Variants in HRH1 observed in about 807,000 individuals in gnomAD.
HRH1 encodes the protein histamine receptor H1, also known as histamine H1 receptor.
A neutral mutation model predicts 10.3 loss-of-function variants in HRH1; 6 were observed. That is an observed-to-expected ratio of 0.58 (90% CI 0.32 to 1.15). The LOEUF (loss-of-function observed/expected upper bound fraction) is 1.15. Among genes scored for constraint, HRH1 ranks in the 50% most tolerant of loss-of-function variants. The pLI is 0.05. For missense variants in HRH1, 514 were observed against 615.3 expected, an observed-to-expected ratio of 0.84 and a Z score of 1.74; for synonymous variants, 242 against 236.7, an observed-to-expected ratio of 1.02 and a Z score of -0.21.
At chr3:11,157,779 T>C (rs1261036573) in intron 1 of HRH1, among the ~76,000 whole-genome samples, 1 of 152,226 alleles carries the variant, frequency 6.6e-6, no homozygotes, top group African/African-American at 2.4e-5. Flanking sequence ...GCCAGCAGAA[T>C]GCATGTTAGA....
intron 1 of HRH1, among the ~76,000 whole-genome samples, chr3:11,250,034 CTTTTTTTTTTTTTTT>C (rs71055856): frequency 6.4e-4 from 39 of 60,766 alleles, no homozygotes; most frequent in Admixed American, 1.7e-3. Context: ...AAGCTTTTCT[CTTTTTTTTTTTTTTT>C]TTTTTTTTTT....
chr3:11,155,543 T>C (rs1398958890), intron 1 of HRH1, among the ~76,000 whole-genome samples: 4 of 152,132 alleles, frequency 2.6e-5, no homozygotes, highest in Admixed American at 1.3e-4. Flanking sequence ...AGGTGTCCGC[T>C]TGCCTGGCAG....
At chr3:11,225,083 G>T (rs1241808898) in intron 1 of HRH1, among the ~76,000 whole-genome samples, 1 of 152,194 alleles carries the variant, frequency 6.6e-6, no homozygotes, top group Non-Finnish European at 1.5e-5. Flanking sequence ...CACAGGAAAG[G>T]GGGAGCAGGG....
intron 1 of HRH1, among the ~76,000 whole-genome samples, chr3:11,176,851 G>C (rs1487543293): frequency 6.6e-6 from 1 of 152,244 alleles, no homozygotes; most frequent in South Asian, 2.1e-4. Context: ...CCAGCACTTT[G>C]GGAGGCCAAG....
intron 1 of HRH1, among the ~76,000 whole-genome samples, chr3:11,165,178 C>G (rs919514732): frequency 6.6e-6 from 1 of 152,200 alleles, no homozygotes; most frequent in Non-Finnish European, 1.5e-5. Context: ...AAATGGAGAT[C>G]CTTGACTCCT....
At chr3:11,249,255 T>C (rs933841836) in intron 1 of HRH1, among the ~76,000 whole-genome samples, 1 of 151,676 alleles carries the variant, frequency 6.6e-6, no homozygotes, top group Non-Finnish European at 1.5e-5. Context: ...TAAAAAAAAT[T>C]AGCTGGGCAT....
chr3:11,213,251 A>G lies in HRH1; in HGVS notation c.-35-45752A>G, dbSNP rs12629094. 4.5e-3 allele frequency among the ~76,000 whole-genome samples: 693 copies of G among 152,318 alleles called. 13 individuals are homozygous for G. The East Asian group carries it at 0.069, about 15-fold the overall frequency. ...ACATCTAGACTTTGACTAGCACATT[A>G]TAGGCCTTTAATAAATAAGTAAAGA... On this transcript the variant is annotated intron_variant, in intron 1 of 1. Transcript: ENST00000431010.
rs549276147 is a variant in HRH1 at position 11,229,100 on chromosome 3, C to G, written c.-35-29903C>G. The stretch of plus-strand genomic sequence containing the variant: ...TTCATTGACATTTTCCTTCCCTCTG[C>G]CTCCCTCCCTTCCTTTTTCTTCCCA... On this transcript the variant is annotated intron_variant, in intron 1 of 1. Transcript: ENST00000431010. Among the ~76,000 whole-genome samples the G allele has an allele frequency of 1.4e-4, 22 of 152,252 alleles. No individual in the cohort carries two copies. The South Asian group carries it at 4.4e-3, about 30-fold the overall frequency.
At chr3:11,144,896 T>C (rs1054546419) in intron 1 of HRH1, among the ~76,000 whole-genome samples, 3 of 152,008 alleles carry the variant, frequency 2.0e-5, no homozygotes, top group South Asian at 2.1e-4. Flanking sequence ...AATAAATAAA[T>C]AAATGTAGCT....
chr3:11,259,791 G>T lies in HRH1; in HGVS notation c.754G>T (p.Gly252Trp). ...CCCCAAGGGGGATGCCAAGAAACCA[G>T]GGAAGGAGTCTCCCTGGGAGGTTCT... ...ENPKGDAKKP[G>W]KESPWEVLKR... Residue 252 changes from glycine (G) to tryptophan (W), a missense_variant, in exon 2 of 2, where the codon GGG becomes TGG. Physicochemically the swap from Gly to Trp is radical, Grantham distance 184. Transcript: ENST00000431010. This position sits in a 1 kb window ranked among gnomAD's most constrained non-coding sequence, Gnocchi z 4.6. 6.2e-7 allele frequency: 1 copy of T among 1,614,008 alleles called. No individual in the cohort carries two copies. Among genetic ancestry groups the T allele is most frequent in the East Asian group, 2.2e-5 (1 of 44,876 alleles).
chr3:11,258,863 G>C lies in HRH1; in HGVS notation c.-35-140G>C. The C allele has an allele frequency of 5.2e-6, 3 of 573,294 alleles. No individual in the cohort carries two copies. The East Asian group carries it at 8.6e-5, about 16-fold the overall frequency. 35.5% of individuals were successfully genotyped at this position (573,294 alleles called of 1,614,324 possible). On this transcript the variant is annotated intron_variant, in intron 1 of 1. Transcript: ENST00000431010. ...AAATGAATGCATGAATAAGGAAAAG[G>C]GTACATGGCTATTGAGTAGGTAACC...
intron 1 of HRH1, among the ~76,000 whole-genome samples, chr3:11,193,936 T>C (rs963236460): frequency 6.6e-6 from 1 of 152,282 alleles, no homozygotes; most frequent in Non-Finnish European, 1.5e-5. Flanking sequence ...TCACAAGGTA[T>C]CAGCTTACAT....
intron 1 of HRH1, among the ~76,000 whole-genome samples, chr3:11,218,882 A>G (rs1231696175): frequency 1.4e-5 from 2 of 141,962 alleles, no homozygotes; most frequent in African/African-American, 2.7e-5. Context: ...AGCCTTGTTT[A>G]TTTACTTATT....
At chr3:11,220,721 G>A (rs1488641375) in intron 1 of HRH1, among the ~76,000 whole-genome samples, 4 of 152,142 alleles carry the variant, frequency 2.6e-5, no homozygotes, top group African/African-American at 7.2e-5. Context: ...GACAAGTTGA[G>A]GTTCATTATA....
intron 1 of HRH1, among the ~76,000 whole-genome samples, chr3:11,189,595 ATAT>A (rs1282212543): frequency 6.6e-6 from 1 of 152,088 alleles, no homozygotes; most frequent in African/African-American, 2.4e-5. Flanking sequence ...TCATGGAATG[ATAT>A]TATGACAATT....
At chr3:11,193,043 T>G (rs995580861) in intron 1 of HRH1, among the ~76,000 whole-genome samples, 1 of 152,268 alleles carries the variant, frequency 6.6e-6, no homozygotes, top group Admixed American at 6.5e-5. Flanking sequence ...AGTTAAAGCA[T>G]GTTTATTTTC....
At chr3:11,173,124 G>A (rs1937185555) in intron 1 of HRH1, among the ~76,000 whole-genome samples, 1 of 152,172 alleles carries the variant, frequency 6.6e-6, no homozygotes, top group Non-Finnish European at 1.5e-5. Context: ...GCCCTTCTTA[G>A]GGGCTTGCCA....
At chr3:11,175,998 A>G (rs936740172) in intron 1 of HRH1, among the ~76,000 whole-genome samples, 6 of 152,038 alleles carry the variant, frequency 3.9e-5, no homozygotes, top group African/African-American at 1.4e-4. Context: ...GTCTCTCCAA[A>G]AAAAAATAAA....
chr3:11,167,126 G>T (rs9818704), intron 1 of HRH1, among the ~76,000 whole-genome samples: 2 of 141,396 alleles, frequency 1.4e-5, no homozygotes, highest in East Asian at 4.5e-4. Context: ...CCCCAGGCCC[G>T]TGACATCTGC....
Sources: allele counts gnomAD v4.1 joint callset (sites outside exome capture counted in the v4.1 genomes callset), GRCh38; gene constraint gnomAD v4.1.1; non-coding constraint Gnocchi (gnomAD v3.1); transcripts MANE v1.5; gene names NCBI Gene and HGNC (gene_info 2026-07-23, HGNC 2026-07-21).